The following PIK3R1 variants were observed in gnomAD, a reference collection of about 807,000 sequenced individuals.
PIK3R1 encodes phosphatidylinositol 3-kinase regulatory subunit alpha.
PIK3R1 carries 29 observed loss-of-function variants against 98.0 expected under a neutral mutation model. The observed-to-expected ratio is 0.30, with a 90% CI of 0.22 to 0.40. The LOEUF (loss-of-function observed/expected upper bound fraction) is 0.40, where lower values mean the gene tolerates loss of function less well. PIK3R1 is among the 10% of genes least tolerant of loss of function. The pLI, the probability that PIK3R1 is intolerant of heterozygous loss-of-function variation, is 1.00. For synonymous variants in PIK3R1, 282 were observed against 311.8 expected (o/e 0.90, Z 1.01); for missense variants, 596 against 872.7 (o/e 0.68, Z 3.99).
chr5:68,239,183 A>G (rs1366905614), intron 2 of PIK3R1, among the ~76,000 whole-genome samples: 3 of 152,222 alleles, frequency 2.0e-5, no homozygotes, highest in African/African-American at 7.2e-5. Context: ...GTTAAGCTTT[A>G]TAATTTAAAA....
rs1191208991 is a variant in PIK3R1, at chr5:68,290,954, A to T, written c.917-1305A>T. The T allele has an allele frequency of 4.5e-6, 3 of 673,202 alleles. No individual in the cohort carries two copies. In the East Asian group the frequency reaches 8.7e-5, roughly 19 times the overall value. The allele number at this position is 673,202 out of a possible 1,614,324, so 41.7% of individuals were successfully genotyped here. ...TTTATTAATTTGTTTCATTGATAAA[A>T]ATTAGTTTGCTCATGGCTTAAAAAT... On this transcript the variant is annotated intron_variant, in intron 7 of 15. Transcript: ENST00000521381.
intron 3 of PIK3R1, 88 bp from the exon 4 acceptor site, chr5:68,273,851 A>C (rs1025532605): frequency 8.2e-6 from 8 of 975,036 alleles, no homozygotes; most frequent in Non-Finnish European, 1.3e-5. Flanking sequence ...TACTGGATGG[A>C]AACTGGAATG....
chr5:68,284,329 G>T lies in PIK3R1; in HGVS notation c.916+3323G>T, dbSNP rs1449856007. 2.0e-5 allele frequency among the ~76,000 whole-genome samples: 3 copies of T among 152,318 alleles called. No homozygotes were observed. In the East Asian group the frequency reaches 5.8e-4, roughly 29 times the overall value. The stretch of plus-strand genomic sequence containing the variant: ...ACTGACGCCATGTTCCCAGCCAGCA[G>T]AGCTACGGCCTCTAGGAGCCTGTAG... On this transcript the variant is annotated intron_variant, in intron 7 of 15. Transcript: ENST00000521381.
chr5:68,289,095 C>T (rs902736730), intron 7 of PIK3R1, among the ~76,000 whole-genome samples: 7 of 152,182 alleles, frequency 4.6e-5, no homozygotes, highest in Non-Finnish European at 7.3e-5. Flanking sequence ...CTGGTTTGCA[C>T]CGACGGTTCC....
Position 68,299,699 on chromosome 5 carries a change from T to C in PIK3R1, c.*2098T>C, listed in dbSNP as rs1580272970. ...AAGTACTAGGGTGAGGGTTTTCTGT[T>C]ACTTTGTTTTTTAATGTTGTTCCTT... On this transcript the variant is annotated 3_prime_UTR_variant, in exon 16 of 16. Coordinates refer to ENST00000521381, the MANE Select transcript of PIK3R1 (RefSeq NM_181523.3). The C allele has an allele frequency of 4.3e-6, 1 of 233,206 alleles. No homozygotes were observed. Among genetic ancestry groups the C allele is most frequent in the East Asian group, 6.0e-5 (1 of 16,564 alleles). The allele number at this position is 233,206 out of a possible 1,614,324, so 14.4% of individuals were successfully genotyped here.
Position 68,297,815 on chromosome 5 carries a change from T to C in PIK3R1, c.*214T>C. On this transcript the variant is annotated 3_prime_UTR_variant, in exon 16 of 16. Coordinates refer to ENST00000521381, the MANE Select transcript of PIK3R1 (RefSeq NM_181523.3). ...ACCACACGTTCCTAAGCTGGAGTGC[T>C]TATCCCTTCTTTTTCTTTTTTTCTT... 1 of 399,984 alleles carries C rather than the reference T, an allele frequency of 2.5e-6. No individual in the cohort carries two copies. Among genetic ancestry groups the C allele is most frequent in the Non-Finnish European group, 4.4e-6 (1 of 225,734 alleles). The allele number at this position is 399,984 out of a possible 1,614,324, so 24.8% of individuals were successfully genotyped here.
intron 2 of PIK3R1, among the ~76,000 whole-genome samples, chr5:68,241,606 T>C (rs1744876614): frequency 6.6e-6 from 1 of 152,224 alleles, no homozygotes. Context: ...TAATCTCACT[T>C]AGTCCACTTA....
At chr5:68,286,718 A>G (rs1207607013) in intron 7 of PIK3R1, among the ~76,000 whole-genome samples, 1 of 152,234 alleles carries the variant, frequency 6.6e-6, no homozygotes, top group Non-Finnish European at 1.5e-5. Context: ...ACTGCTTTCC[A>G]GTGGCTTATT....
chr5:68,256,117 T>A (rs1404169792), intron 2 of PIK3R1, among the ~76,000 whole-genome samples: 2 of 152,256 alleles, frequency 1.3e-5, no homozygotes, highest in Non-Finnish European at 2.9e-5. Flanking sequence ...TGTTCTTTAA[T>A]GAAAACAGCC....
chr5:68,249,136 T>TACCC (rs1745207797), intron 2 of PIK3R1, among the ~76,000 whole-genome samples: 1 of 152,258 alleles, frequency 6.6e-6, no homozygotes, highest in South Asian at 2.1e-4. Flanking sequence ...TGTCAAGACC[T>TACCC]ACCCATTTAC....
intron 2 of PIK3R1, among the ~76,000 whole-genome samples, chr5:68,229,844 T>C (rs1388131920): frequency 6.6e-6 from 1 of 152,248 alleles, no homozygotes; most frequent in African/African-American, 2.4e-5. Context: ...GGAAATCTTA[T>C]ATACGGCACT....
chr5:68,243,878 TTGAG>T (rs1744963038), intron 2 of PIK3R1, among the ~76,000 whole-genome samples: 1 of 152,228 alleles, frequency 6.6e-6, no homozygotes, highest in African/African-American at 2.4e-5. Flanking sequence ...TCGTGGACAA[TTGAG>T]TAATTTCAGT....
intron 2 of PIK3R1, among the ~76,000 whole-genome samples, chr5:68,262,529 GCT>G (rs67721561): frequency 0.045 from 3,674 of 81,034 alleles, 169 homozygotes; most frequent in African/African-American, 0.14. Context: ...TAGATACATA[GCT>G]ATATAGATAC....
intron 4 of PIK3R1, among the ~76,000 whole-genome samples, chr5:68,277,909 C>G (rs560148174): frequency 6.6e-6 from 1 of 152,184 alleles, no homozygotes; most frequent in Non-Finnish European, 1.5e-5. Context: ...AAAGCTGTTA[C>G]AAACGTAGTA....
rs201618039 is a variant in PIK3R1 at position 68,297,421 on chromosome 5, C to A, written c.1995C>A (p.Gly665=). 2 of 1,612,850 alleles carry A rather than the reference C, an allele frequency of 1.2e-6. No individual in the cohort carries two copies. Among genetic ancestry groups the A allele is most frequent in the Non-Finnish European group, 1.7e-6 (2 of 1,179,246 alleles). The change falls in exon 16 of 16, where the codon GGC becomes GGA. Residue 665 remains glycine, a synonymous_variant. Transcript: ENST00000521381. ...CTTCTCTCCTCTCTAGGGTGGACGGCGAAGTAAAGCATTGTGTCATAAACA... is the reference window on the plus strand; with the variant it reads ...CTTCTCTCCTCTCTAGGGTGGACGGAGAAGTAAAGCATTGTGTCATAAACA... ...GCYACSVVVD[G]EVKHCVINKT... is the part of the protein sequence containing the mutation.
intron 5 of PIK3R1, 60 bp downstream of exon 5, chr5:68,279,793 T>A (rs774309482): frequency 3.0e-5 from 46 of 1,532,870 alleles, no homozygotes; most frequent in Non-Finnish European, 4.1e-5. Flanking sequence ...GAGGTGCTTG[T>A]ATATGTCTTG....
In PIK3R1 at chr5:68,215,870, TGGAGGCCGGTCGGAACCGAGCGGGCA is replaced by T. The variant is rs1428246900; in HGVS notation, c.-458_-433del. 593 of 152,170 alleles carry T rather than the reference TGGAGGCCGGTCGGAACCGAGCGGGCA, an allele frequency of 3.9e-3. 2 individuals carry two copies. The highest frequency in any genetic ancestry group is 5.2e-3 in the Non-Finnish European group (358 of 68,232). 9.4% of individuals were successfully genotyped at this position (152,170 alleles called of 1,614,324 possible). A position where few individuals can be genotyped will look rare whatever the true frequency, so the allele number is the denominator to read the frequency against. Reference sequence around the variant, plus strand: ...CACGGCCGGCGGGTCGCAGCCGGGCTGGAGGCCGGTCGGAACCGAGCGGGCAGGAGGCCACCGCTGCAGCGCGGGCC... The same window carrying T: ...CACGGCCGGCGGGTCGCAGCCGGGCTGGAGGCCACCGCTGCAGCGCGGGCC... On this transcript the variant is annotated 5_prime_UTR_variant, in exon 1 of 16. Transcript: ENST00000521381.
intron 7 of PIK3R1, chr5:68,288,586 CGCGCACTCTCG>C: frequency 2.0e-6 from 3 of 1,534,020 alleles, no homozygotes; most frequent in Non-Finnish European, 2.6e-6. Context: ...CCCGCTCCTG[CGCGCACTCTCG>C]GCGCCGGACA....
intron 7 of PIK3R1, among the ~76,000 whole-genome samples, chr5:68,285,470 A>G (rs918562211): frequency 5.9e-5 from 9 of 152,216 alleles, no homozygotes; most frequent in Admixed American, 5.9e-4. Flanking sequence ...GGGTTGCTTC[A>G]AAGGTGAAAA....
Sources: gnomAD v4.1 joint callset for allele counts (sites outside exome capture counted in the v4.1 genomes callset) on GRCh38, gnomAD v4.1.1 for gene constraint, MANE v1.5 for transcripts, NCBI Gene and HGNC (gene_info 2026-07-23, HGNC 2026-07-21) for gene names.